MACROD2: variants seen among roughly 807,000 people sequenced by gnomAD.
MACROD2 encodes ADP-ribose glycohydrolase MACROD2.
In MACROD2, 36 loss-of-function variants were observed where a neutral mutation model predicts 70.4. That is an observed-to-expected ratio of 0.51 (90% CI 0.39 to 0.68). The LOEUF (loss-of-function observed/expected upper bound fraction) is 0.68. Ranked by LOEUF, MACROD2 falls within the 30% of genes least tolerant of loss-of-function variation. The probability of loss-of-function intolerance (pLI) is 0.00; values close to 1 mark genes in which losing one functional copy is unlikely to be tolerated. For synonymous variants in MACROD2, 172 were observed against 178.8 expected (o/e 0.96, Z 0.30); for missense variants, 496 against 538.4 (o/e 0.92, Z 0.78).
At chr20:15,144,372 A>G (rs1333826597) in intron 5 of MACROD2, among the ~76,000 whole-genome samples, 2 of 152,308 alleles carry the variant, frequency 1.3e-5, no homozygotes, top group East Asian at 3.9e-4. Flanking sequence ...GCCACAAAAG[A>G]AAAGTTTGAA....
intron 5 of MACROD2, among the ~76,000 whole-genome samples, chr20:14,778,128 G>T (rs1388184876): frequency 6.6e-6 from 1 of 152,080 alleles, no homozygotes; most frequent in Admixed American, 6.5e-5. Context: ...CCAAAAGTTT[G>T]TGAATGACAG....
chr20:15,207,578 G>A (rs990033632), intron 5 of MACROD2, among the ~76,000 whole-genome samples: 7 of 151,678 alleles, frequency 4.6e-5, no homozygotes, highest in Non-Finnish European at 1.0e-4. Context: ...GAGTAGCTGG[G>A]ACTACAGGTG....
intron 3 of MACROD2, among the ~76,000 whole-genome samples, chr20:14,275,574 A>G (rs1309179538): frequency 6.6e-6 from 1 of 151,660 alleles, no homozygotes; most frequent in African/African-American, 2.4e-5. Context: ...GGCATGGGCA[A>G]GGACTTCATG....
intron 5 of MACROD2, among the ~76,000 whole-genome samples, chr20:15,197,893 TG>T (rs975802647): frequency 8.6e-5 from 13 of 151,346 alleles, no homozygotes; most frequent in Admixed American, 5.9e-4. Context: ...GACGGGTTTT[TG>T]CCATGTTGCC....
intron 16 of MACROD2, among the ~76,000 whole-genome samples, chr20:16,042,427 T>C (rs1024974739): frequency 2.6e-5 from 4 of 152,002 alleles, no homozygotes; most frequent in Non-Finnish European, 4.4e-5. Context: ...AAAAGAGAAG[T>C]AAATGTGAAA....
chr20:14,126,574 G>A (rs947567103), intron 3 of MACROD2, among the ~76,000 whole-genome samples: 3 of 152,132 alleles, frequency 2.0e-5, no homozygotes, highest in African/African-American at 7.2e-5. Context: ...GAGCAAATCT[G>A]TTGGCACTGT....
At chr20:14,983,386 T>C (rs2122845719) in intron 5 of MACROD2, among the ~76,000 whole-genome samples, 1 of 151,586 alleles carries the variant, frequency 6.6e-6, no homozygotes. Context: ...TGTGAGGACA[T>C]GAGAATTGGG....
At chr20:14,221,186 A>G (rs1229439829) in intron 3 of MACROD2, among the ~76,000 whole-genome samples, 1 of 152,228 alleles carries the variant, frequency 6.6e-6, no homozygotes, top group African/African-American at 2.4e-5. Context: ...TTTGCTGAGA[A>G]TAAAACCTGT....
chr20:14,034,909 A>G (rs1444115183), intron 2 of MACROD2, among the ~76,000 whole-genome samples: 1 of 152,148 alleles, frequency 6.6e-6, no homozygotes, highest in Admixed American at 6.5e-5. Flanking sequence ...ATGTGTATGT[A>G]TACATTTTAT....
At chr20:14,975,409 A>G (rs2074729875) in intron 5 of MACROD2, among the ~76,000 whole-genome samples, 1 of 152,112 alleles carries the variant, frequency 6.6e-6, no homozygotes, top group Non-Finnish European at 1.5e-5. Context: ...AGACGGCAGC[A>G]GGCTGGGGCG....
chr20:15,120,117 C>A (rs980241556), intron 5 of MACROD2, among the ~76,000 whole-genome samples: 1 of 152,152 alleles, frequency 6.6e-6, no homozygotes, highest in African/African-American at 2.4e-5. Flanking sequence ...CCTAAATTAA[C>A]TAAGAATGGT....
intron 3 of MACROD2, among the ~76,000 whole-genome samples, chr20:14,304,569 C>T (rs1483019906): frequency 1.6e-4 from 25 of 152,164 alleles, no homozygotes; most frequent in Admixed American, 1.6e-3. Flanking sequence ...TTCTCCACAG[C>T]TTTCAGCTTT....
At chr20:14,132,675 G>A (rs887427415) in intron 3 of MACROD2, among the ~76,000 whole-genome samples, 1 of 151,646 alleles carries the variant, frequency 6.6e-6, no homozygotes, top group Non-Finnish European at 1.5e-5. Context: ...TTTTACTCTG[G>A]TGCCCAGGCT....
chr20:14,519,287 T>A (rs2085138354), intron 4 of MACROD2, among the ~76,000 whole-genome samples: 1 of 152,136 alleles, frequency 6.6e-6, no homozygotes, highest in African/African-American at 2.4e-5. Context: ...CCAGTTCTGC[T>A]GCTTAGTGAT....
chr20:15,578,966 C>T (rs6079889), intron 8 of MACROD2, among the ~76,000 whole-genome samples: 30,846 of 152,006 alleles, frequency 0.2, 3,854 homozygotes, highest in Middle Eastern at 0.37. Flanking sequence ...CAATTTGAAC[C>T]GTTTTTTAAA....
At chr20:15,324,489 T>C (rs1465348941) in intron 6 of MACROD2, among the ~76,000 whole-genome samples, 2 of 152,222 alleles carry the variant, frequency 1.3e-5, no homozygotes, top group African/African-American at 4.8e-5. Flanking sequence ...TTTCTCTATA[T>C]GTATCATGAT....
chr20:14,683,040 C>T (rs753642843), intron 4 of MACROD2, among the ~76,000 whole-genome samples: 3 of 151,956 alleles, frequency 2.0e-5, no homozygotes, highest in Non-Finnish European at 2.9e-5. Flanking sequence ...CCACCACACC[C>T]GGCTAATTTT....
intron 5 of MACROD2, among the ~76,000 whole-genome samples, chr20:14,751,776 CACTT>C (rs2071874136): frequency 1.3e-5 from 2 of 152,052 alleles, no homozygotes; most frequent in Admixed American, 1.3e-4. Context: ...TAAAACAAGT[CACTT>C]GAACAAAAGA....
chr20:15,290,183 T>A (rs1219319928), intron 6 of MACROD2, among the ~76,000 whole-genome samples: 1 of 152,244 alleles, frequency 6.6e-6, no homozygotes, highest in African/African-American at 2.4e-5. Context: ...ATGTAACATA[T>A]TTAAAAATAA....
Sources: gnomAD v4.1 joint callset for allele counts (sites outside exome capture counted in the v4.1 genomes callset) on GRCh38, gnomAD v4.1.1 for gene constraint, MANE v1.5 for transcripts, NCBI Gene and HGNC (gene_info 2026-07-23, HGNC 2026-07-21) for gene names.